UGP2: variants seen among roughly 807,000 people sequenced by gnomAD.
The protein encoded by UGP2 is UTP--glucose-1-phosphate uridylyltransferase.
UGP2 carries 40 observed loss-of-function variants against 49.0 expected under a neutral mutation model. The observed-to-expected ratio is 0.82, with a 90% CI of 0.63 to 1.06. UGP2 has a LOEUF of 1.06. UGP2 is among the 50% of genes least tolerant of loss of function. The probability of loss-of-function intolerance (pLI) is 0.00; values close to 1 mark genes in which losing one functional copy is unlikely to be tolerated. For missense variants in UGP2, 460 were observed against 603.5 expected (o/e 0.76, Z 2.49); for synonymous variants, 225 against 213.0 (o/e 1.06, Z -0.49).
At chr2:63,870,221 C>T (rs1174159977) in intron 3 of UGP2, among the ~76,000 whole-genome samples, 1 of 152,014 alleles carries the variant, frequency 6.6e-6, no homozygotes, top group African/African-American at 2.4e-5. Context: ...CGTGCCCGCC[C>T]CTAAAATTAA....
Position 63,887,486 on chromosome 2 carries a change from A to C in UGP2, c.1156A>C (p.Asn386His), listed in dbSNP as rs750783431. Residue 386 changes from asparagine (N) to histidine (H), a missense_variant, in exon 8 of 10, where the codon AAT becomes CAT. Asn to His is a moderately conservative substitution (Grantham distance 68). Coordinates refer to ENST00000337130, the MANE Select transcript of UGP2 (RefSeq NM_006759.4). ...AAGTTTTGAGAATTCTCTAGGTATTAATGTGCCAAGGAGCCGTTTTCTGCC... is the reference window on the plus strand; with the variant it reads ...AAGTTTTGAGAATTCTCTAGGTATTCATGTGCCAAGGAGCCGTTTTCTGCC... ...IKSFENSLGI[N>H]VPRSRFLPVK... 1 of 1,614,052 alleles carries C rather than the reference A, an allele frequency of 6.2e-7. No homozygotes were observed. The highest frequency in any genetic ancestry group is 1.7e-5 in the Admixed American group (1 of 60,002).
chr2:63,848,739 T>G (rs986725931), intron 1 of UGP2, among the ~76,000 whole-genome samples: 1 of 152,230 alleles, frequency 6.6e-6, no homozygotes, highest in African/African-American at 2.4e-5. Context: ...GTTGGCTTTA[T>G]GAAGCTATCA....
Position 63,856,396 on chromosome 2 carries a change from A to C in UGP2, c.110A>C (p.Glu37Ala). 2 of 1,613,458 alleles carry C rather than the reference A, an allele frequency of 1.2e-6. No homozygotes were observed. Among genetic ancestry groups the C allele is most frequent in the Non-Finnish European group, 1.7e-6 (2 of 1,180,010 alleles). ...ELELSVKKEL[E>A]KILTTASSHE... ...GAATTATCTGTGAAGAAGGAACTAG[A>C]AAAAATACTCACCACAGCATCATCA... The change falls in exon 2 of 10, where the codon GAA (glutamate) becomes GCA (alanine). Residue 37 changes from glutamate to alanine, a missense_variant. Glu to Ala is a moderately radical substitution (Grantham distance 107). Transcript: ENST00000337130.
intron 4 of UGP2, chr2:63,883,459 A>G (rs1671446045): frequency 6.6e-6 from 1 of 152,560 alleles, no homozygotes; most frequent in Non-Finnish European, 1.5e-5. Context: ...GGTTGAAAAG[A>G]TTTCAGCTGG....
intron 1 of UGP2, chr2:63,855,611 G>C (rs926903873): frequency 1.5e-4 from 60 of 394,602 alleles, no homozygotes; most frequent in African/African-American, 1.2e-3. Context: ...GCGCGATCTC[G>C]CCTCACTGCA....
intron 5 of UGP2, among the ~76,000 whole-genome samples, chr2:63,884,475 T>C (rs1370938671): frequency 2.0e-5 from 3 of 152,200 alleles, no homozygotes; most frequent in Admixed American, 6.5e-5. Context: ...TTGGGGTAAT[T>C]TAATAAATTC....
intron 3 of UGP2, among the ~76,000 whole-genome samples, chr2:63,858,709 T>G (rs973631612): frequency 2.6e-5 from 4 of 152,120 alleles, no homozygotes; most frequent in East Asian, 1.9e-4. Flanking sequence ...TGATTTATTT[T>G]TCTACTTTTA....
At chr2:63,864,528 C>A (rs1670050721) in intron 3 of UGP2, among the ~76,000 whole-genome samples, 1 of 152,198 alleles carries the variant, frequency 6.6e-6, no homozygotes, top group South Asian at 2.1e-4. Flanking sequence ...TAGGAGCTCA[C>A]TGTTATCCTT....
intron 1 of UGP2, among the ~76,000 whole-genome samples, chr2:63,844,128 C>T (rs1262993166): frequency 6.6e-6 from 1 of 152,146 alleles, no homozygotes; most frequent in Non-Finnish European, 1.5e-5. Context: ...GAATATGACA[C>T]CTCCTCAAAA....
At chr2:63,850,114 T>G (rs1668949880) in intron 1 of UGP2, among the ~76,000 whole-genome samples, 1 of 152,196 alleles carries the variant, frequency 6.6e-6, no homozygotes, top group African/African-American at 2.4e-5. Context: ...TCTTTTTCCT[T>G]TGAGATTTTA....
chr2:63,845,084 A>G lies in UGP2; in HGVS notation c.19+2880A>G, dbSNP rs369043435. Reference sequence around the variant, plus strand: ...ATGACAAATGAGAAGCCCACAGCTTAGCATTTTCCATCTACTATTTAGTAG... The same window carrying G: ...ATGACAAATGAGAAGCCCACAGCTTGGCATTTTCCATCTACTATTTAGTAG... On this transcript the variant is annotated intron_variant, in intron 1 of 9. Coordinates refer to ENST00000337130, the MANE Select transcript of UGP2 (RefSeq NM_006759.4). Among the ~76,000 whole-genome samples the G allele has an allele frequency of 6.6e-5, 10 of 152,252 alleles. 1 individual carries two copies. The East Asian group carries it at 9.6e-4, about 15-fold the overall frequency.
chr2:63,859,592 A>C (rs992046376), intron 3 of UGP2, among the ~76,000 whole-genome samples: 57 of 152,184 alleles, frequency 3.7e-4, no homozygotes, highest in African/African-American at 1.3e-3. Flanking sequence ...TTCCCAGGAA[A>C]GTTCTGATAA....
intron 9 of UGP2, 87 bp from the exon 10 acceptor site, chr2:63,891,033 A>G: frequency 1.8e-6 from 2 of 1,136,960 alleles, no homozygotes; most frequent in Non-Finnish European, 2.4e-6. Flanking sequence ...GTAAAAAAAA[A>G]AAAGTTGTAC....
intron 1 of UGP2, chr2:63,846,250 C>T (rs1306540196): frequency 2.6e-5 from 4 of 152,152 alleles, no homozygotes; most frequent in Admixed American, 1.3e-4. Context: ...GGGCGGGGGT[C>T]ATCAGCAGCT....
At chr2:63,855,640 C>T (rs1213326837) in intron 1 of UGP2, 3 of 435,046 alleles carry the variant, frequency 6.9e-6, no homozygotes, top group African/African-American at 6.2e-5. Flanking sequence ...CTCCTCGGCT[C>T]AAGGTATCCT....
chr2:63,887,403 C>T lies in UGP2; in HGVS notation c.1073C>T (p.Thr358Ile). The change falls in exon 8 of 10, where the codon ACT becomes ATT. Residue 358 changes from threonine to isoleucine, a missense_variant and splice_region_variant. Coordinates refer to ENST00000337130, the MANE Select transcript of UGP2 (RefSeq NM_006759.4). ...TTCCCCACCCCTAATTTCTTACAGA[C>T]TTTGGATGGAGGCCTGAATGTCATT... ...IDMEIIVNAK[T>I]LDGGLNVIQL... is the part of the protein sequence containing the mutation. The T allele has an allele frequency of 6.2e-7, 1 of 1,613,924 alleles. No homozygotes were observed.
chr2:63,861,850 G>T (rs1372126524), intron 3 of UGP2, among the ~76,000 whole-genome samples: 1 of 151,912 alleles, frequency 6.6e-6, no homozygotes, highest in East Asian at 1.9e-4. Flanking sequence ...TAGCTCCAAT[G>T]GATTTTTTGT....
chr2:63,887,476 T>C lies in UGP2; in HGVS notation c.1146T>C (p.Ser382=). The stretch of plus-strand genomic sequence containing the variant: ...CTGCCATCAAAAGTTTTGAGAATTC[T>C]CTAGGTATTAATGTGCCAAGGAGCC... ...VGAAIKSFEN[S]LGINVPRSRF... Residue 382 remains serine (S), a synonymous_variant, in exon 8 of 10, where the codon TCT becomes TCC. Coordinates refer to ENST00000337130, the MANE Select transcript of UGP2 (RefSeq NM_006759.4). 1 of 1,614,062 alleles carries C rather than the reference T, an allele frequency of 6.2e-7. No homozygotes were observed. Among genetic ancestry groups the C allele is most frequent in the South Asian group, 1.1e-5 (1 of 91,076 alleles).
At chr2:63,842,486 AG>A (rs755085976) in intron 1 of UGP2, 2 of 1,537,498 alleles carry the variant, frequency 1.3e-6, no homozygotes, top group Admixed American at 2.0e-5. Context: ...GTGATAAAAC[AG>A]GATTTTTGGC....
Sources: gnomAD v4.1 joint callset for allele counts (sites outside exome capture counted in the v4.1 genomes callset) on GRCh38, gnomAD v4.1.1 for gene constraint, MANE v1.5 for transcripts, NCBI Gene and HGNC (gene_info 2026-07-23, HGNC 2026-07-21) for gene names.